Variants in ALK observed in about 807,000 individuals in gnomAD.
ALK encodes ALK receptor tyrosine kinase.
ALK carries 74 observed loss-of-function variants against 163.1 expected under a neutral mutation model. That is an observed-to-expected ratio of 0.45 (90% CI 0.38 to 0.55). The LOEUF (loss-of-function observed/expected upper bound fraction) is 0.55. Among genes scored for constraint, ALK ranks in the 20% least tolerant of loss-of-function variants. The pLI is 0.00. For synonymous variants in ALK, 960 were observed against 843.2 expected, an observed-to-expected ratio of 1.14 and a Z score of -2.40; for missense variants, 2,063 against 2,105.3, an observed-to-expected ratio of 0.98 and a Z score of 0.39.
At chr2:29,211,881 A>T (rs866407477) in intron 24 of ALK, among the ~76,000 whole-genome samples, 4 of 152,374 alleles carry the variant, frequency 2.6e-5, no homozygotes, top group Non-Finnish European at 4.4e-5. Context: ...AGAGCAATAA[A>T]TGATTACTCT....
At chr2:29,891,858 C>G (rs1321952764) in intron 1 of ALK, among the ~76,000 whole-genome samples, 1 of 152,162 alleles carries the variant, frequency 6.6e-6, no homozygotes, top group African/African-American at 2.4e-5. Flanking sequence ...TTCCTGACAT[C>G]CAGCTTCTCT....
At chr2:29,342,427 T>A (rs1667819770) in intron 5 of ALK, among the ~76,000 whole-genome samples, 1 of 152,204 alleles carries the variant, frequency 6.6e-6, no homozygotes, top group Admixed American at 6.5e-5. Context: ...GAATGGTGGT[T>A]ACAGGGTCTG....
chr2:29,860,191 C>T (rs181218181), intron 1 of ALK, among the ~76,000 whole-genome samples: 59 of 152,194 alleles, frequency 3.9e-4, no homozygotes, highest in Admixed American at 1.0e-3. Flanking sequence ...AAATTCTTAA[C>T]GATGGAACTT....
chr2:29,680,447 C>T (rs1678029908), intron 3 of ALK, among the ~76,000 whole-genome samples: 2 of 152,044 alleles, frequency 1.3e-5, no homozygotes, highest in African/African-American at 4.8e-5. Context: ...CTTCTGCCTT[C>T]TTAAATCTGC....
intron 9 of ALK, among the ~76,000 whole-genome samples, chr2:29,285,719 T>C (rs926108697): frequency 6.6e-6 from 1 of 152,106 alleles, no homozygotes; most frequent in East Asian, 1.9e-4. Context: ...CATGCCACCA[T>C]GTCCAGTTAA....
In ALK at chr2:29,192,966, A is replaced by T; in HGVS notation, c.*258T>A. ...AAGTATACAACAAACATGCATAAAA[A>T]CCTTATGCAACCACATCTGGGCCTT... is the stretch of plus-strand genomic sequence containing the variant. On this transcript the variant is annotated 3_prime_UTR_variant, in exon 29 of 29. Transcript: ENST00000389048. 2.0e-6 allele frequency: 1 copy of T among 508,828 alleles called. No homozygotes were observed. The highest frequency in any genetic ancestry group is 3.6e-6 in the Non-Finnish European group (1 of 280,408). The allele number at this position is 508,828 out of a possible 1,614,324, so 31.5% of individuals were successfully genotyped here.
chr2:29,826,589 C>T (rs1186427117), intron 1 of ALK, among the ~76,000 whole-genome samples: 2 of 152,146 alleles, frequency 1.3e-5, no homozygotes. Context: ...GCAACTCTTT[C>T]TGTGCTTGAA....
chr2:29,201,599 C>A (rs1669180257), intron 26 of ALK, among the ~76,000 whole-genome samples: 1 of 151,974 alleles, frequency 6.6e-6, no homozygotes, highest in African/African-American at 2.4e-5. Context: ...CCAGCCTGGC[C>A]AACGTGGTGA....
chr2:29,204,647 T>C (rs1669268364), intron 26 of ALK, among the ~76,000 whole-genome samples: 1 of 152,106 alleles, frequency 6.6e-6, no homozygotes. Context: ...TGGAGTGCAG[T>C]TGCACAATCT....
At chr2:29,676,948 A>T (rs886195313) in intron 3 of ALK, among the ~76,000 whole-genome samples, 9 of 152,018 alleles carry the variant, frequency 5.9e-5, no homozygotes, top group Non-Finnish European at 1.2e-4. Flanking sequence ...TAGAACATAG[A>T]AATACAGTTA....
At chr2:29,777,964 C>G (rs1681221699) in intron 1 of ALK, among the ~76,000 whole-genome samples, 1 of 152,190 alleles carries the variant, frequency 6.6e-6, no homozygotes, top group African/African-American at 2.4e-5. Context: ...AGCCTTCCAC[C>G]TGGCAAAAAC....
chr2:29,622,825 T>C (rs2148230479), intron 3 of ALK, among the ~76,000 whole-genome samples: 1 of 152,288 alleles, frequency 6.6e-6, no homozygotes, highest in Admixed American at 6.5e-5. Context: ...TAAACTCAAG[T>C]CTGCCCCTTC....
intron 25 of ALK, among the ~76,000 whole-genome samples, chr2:29,207,581 A>G (rs1331892918): frequency 6.6e-6 from 1 of 152,262 alleles, no homozygotes; most frequent in African/African-American, 2.4e-5. Context: ...ATAGCTCACA[A>G]TGAATAACAT....
intron 5 of ALK, among the ~76,000 whole-genome samples, chr2:29,356,888 C>A (rs1330672594): frequency 6.6e-6 from 1 of 152,032 alleles, no homozygotes; most frequent in African/African-American, 2.4e-5. Flanking sequence ...GGTTCCTGGG[C>A]ATGAGCTAAA....
intron 3 of ALK, among the ~76,000 whole-genome samples, chr2:29,539,859 A>C (rs941519425): frequency 2.6e-4 from 39 of 152,316 alleles, no homozygotes; most frequent in African/African-American, 8.9e-4. Context: ...GCTTACAACA[A>C]CAACTGGGTA....
At chr2:29,631,013 C>G (rs1050237202) in intron 3 of ALK, among the ~76,000 whole-genome samples, 4 of 152,168 alleles carry the variant, frequency 2.6e-5, no homozygotes, top group African/African-American at 9.7e-5. Context: ...AATAAAAAAG[C>G]AAATTCACAG....
intron 4 of ALK, among the ~76,000 whole-genome samples, chr2:29,391,028 C>A (rs1005074513): frequency 1.3e-5 from 2 of 152,118 alleles, no homozygotes; most frequent in African/African-American, 4.8e-5. Flanking sequence ...TGCTCTGAGG[C>A]TAAGGGGGCT....
chr2:29,250,547 A>G (rs1199127054), intron 12 of ALK, among the ~76,000 whole-genome samples: 1 of 152,132 alleles, frequency 6.6e-6, no homozygotes, highest in African/African-American at 2.4e-5. Context: ...CATTAGCTTC[A>G]TTCAATGCCA....
chr2:29,419,532 A>G (rs531841499), intron 4 of ALK, among the ~76,000 whole-genome samples: 3 of 151,540 alleles, frequency 2.0e-5, no homozygotes, highest in Admixed American at 1.3e-4. Context: ...AGGCCTGAAG[A>G]TTGGCTAAAA....
Sources: allele counts gnomAD v4.1 joint callset (sites outside exome capture counted in the v4.1 genomes callset), GRCh38; gene constraint gnomAD v4.1.1; transcripts MANE v1.5; gene names NCBI Gene and HGNC (gene_info 2026-07-23, HGNC 2026-07-21).